Variants in ZNF618 observed in about 807,000 individuals in gnomAD.
The protein encoded by ZNF618 is neural precursor cell expressed, developmentally down-regulated 10.
A neutral mutation model predicts 103.0 loss-of-function variants in ZNF618; 34 were observed. That is an observed-to-expected ratio of 0.33 (90% CI 0.25 to 0.44). The LOEUF is 0.44. ZNF618 is among the 20% of genes least tolerant of loss of function. The pLI, the probability that ZNF618 is intolerant of heterozygous loss-of-function variation, is 1.00. For missense variants in ZNF618, 1,059 were observed against 1,295.4 expected (o/e 0.82, Z 2.80); for synonymous variants, 551 against 542.2 (o/e 1.02, Z -0.23).
intron 12 of ZNF618, chr9:114,035,255 G>T (rs543804699): frequency 1.2e-5 from 12 of 985,902 alleles, no homozygotes; most frequent in Middle Eastern, 5.2e-4. Context: ...GGTCCCGTTG[G>T]GGGGCTGGAG....
At position 114,053,945 on chromosome 9, in the gene ZNF618, A is replaced by G. The variant is rs1053829522; in HGVS notation, c.*3778A>G. 1 of 152,312 alleles carries G rather than the reference A, an allele frequency of 6.6e-6. No individual in the cohort carries two copies. The highest frequency in any genetic ancestry group is 1.9e-4 in the East Asian group (1 of 5,196). The allele number at this position is 152,312 out of a possible 1,614,324, so 9.4% of individuals were successfully genotyped here. A position where few individuals can be genotyped will look rare whatever the true frequency, so the allele number is the denominator to read the frequency against. ...CATCTGAGGATTGGTTTTTGGCTGG[A>G]AAAAGGGTACCAGGGTTTCCTGGCA... On this transcript the variant is annotated 3_prime_UTR_variant, in exon 15 of 15. Coordinates refer to ENST00000374126, the MANE Select transcript of ZNF618 (RefSeq NM_001318042.2).
At chr9:114,037,527 C>G (rs1844730337) in intron 13 of ZNF618, among the ~76,000 whole-genome samples, 1 of 152,162 alleles carries the variant, frequency 6.6e-6, no homozygotes, top group African/African-American at 2.4e-5. Context: ...TCCCTCCACC[C>G]CTTTCCCCAG....
chr9:114,011,042 C>CTGTT lies in ZNF618; in HGVS notation c.754+2488_754+2489insTGTT, dbSNP rs1448161442. 3.3e-5 allele frequency among the ~76,000 whole-genome samples: 5 copies of CTGTT among 152,294 alleles called. No individual in the cohort carries two copies. The South Asian group carries it at 1.0e-3, about 32-fold the overall frequency. ...TCTCACCAAGCACCTGGCTCATATC[C>CTGTT]AAGGTGTAGGGAGACCTGTTACTGA... On this transcript the variant is annotated intron_variant, in intron 9 of 14. Transcript: ENST00000374126.
At chr9:114,044,263 T>C (rs971825140) in intron 13 of ZNF618, among the ~76,000 whole-genome samples, 1 of 152,214 alleles carries the variant, frequency 6.6e-6, no homozygotes, top group African/African-American at 2.4e-5. Context: ...CTTCCACATG[T>C]GGCTAGCCAA....
chr9:114,022,904 G>A (rs1490213389), intron 10 of ZNF618, among the ~76,000 whole-genome samples: 1 of 151,980 alleles, frequency 6.6e-6, no homozygotes, highest in Non-Finnish European at 1.5e-5. Flanking sequence ...TATATCTCTG[G>A]TAATGCCTGT....
intron 1 of ZNF618, among the ~76,000 whole-genome samples, chr9:113,953,056 A>G (rs1835920811): frequency 6.6e-6 from 1 of 152,234 alleles, no homozygotes; most frequent in African/African-American, 2.4e-5. Context: ...ACTACATGCA[A>G]TATAAAAACT....
At chr9:113,978,365 C>T (rs1838678003) in intron 2 of ZNF618, among the ~76,000 whole-genome samples, 1 of 152,218 alleles carries the variant, frequency 6.6e-6, no homozygotes, top group South Asian at 2.1e-4. Context: ...AAGCTGGAGA[C>T]TCTTTATGTC....
intron 1 of ZNF618, among the ~76,000 whole-genome samples, chr9:113,932,809 A>G (rs1833712965): frequency 6.6e-6 from 1 of 152,128 alleles, no homozygotes; most frequent in Non-Finnish European, 1.5e-5. Flanking sequence ...GAATTTTAAG[A>G]TGCCTCTGAG....
At chr9:114,004,717 C>T (rs1841581963) in intron 6 of ZNF618, among the ~76,000 whole-genome samples, 2 of 152,214 alleles carry the variant, frequency 1.3e-5, no homozygotes, top group Non-Finnish European at 2.9e-5. Flanking sequence ...CTGGCCTCCA[C>T]TTACAGAAGC....
At chr9:113,884,090 A>T (rs1490240603) in intron 1 of ZNF618, among the ~76,000 whole-genome samples, 1 of 139,634 alleles carries the variant, frequency 7.2e-6, no homozygotes, top group African/African-American at 2.7e-5. Flanking sequence ...GTCTGTGTGT[A>T]GGTTTTGTAA....
Position 113,876,352 on chromosome 9 carries a change from G to C in ZNF618, c.-29G>C. 2.5e-6 allele frequency: 3 copies of C among 1,184,376 alleles called. No homozygotes were observed. Among genetic ancestry groups the C allele is most frequent in the Non-Finnish European group, 3.1e-6 (3 of 961,082 alleles). 73.4% of individuals were successfully genotyped at this position (1,184,376 alleles called of 1,614,324 possible). The stretch of plus-strand genomic sequence containing the variant: ...GCCCGGCCCGGGAGGAGCAGGACGC[G>C]CCGGGGCCGCCTCCTCCCGCACGGA... On this transcript the variant is annotated 5_prime_UTR_variant, in exon 1 of 15. Coordinates refer to ENST00000374126, the MANE Select transcript of ZNF618 (RefSeq NM_001318042.2).
At chr9:113,882,745 C>T (rs1046339077) in intron 1 of ZNF618, among the ~76,000 whole-genome samples, 3 of 152,178 alleles carry the variant, frequency 2.0e-5, no homozygotes, top group Non-Finnish European at 4.4e-5. Flanking sequence ...ACATCTCAAT[C>T]GCGGGTGGAC....
intron 1 of ZNF618, among the ~76,000 whole-genome samples, chr9:113,877,846 A>C (rs1349739415): frequency 6.6e-6 from 1 of 152,164 alleles, no homozygotes; most frequent in Admixed American, 6.5e-5. Flanking sequence ...GATTTGTAGG[A>C]GAGACCGCCA....
intron 2 of ZNF618, among the ~76,000 whole-genome samples, chr9:113,978,046 C>T (rs562501304): frequency 6.6e-6 from 1 of 152,300 alleles, no homozygotes; most frequent in Admixed American, 6.5e-5. Flanking sequence ...AATTTCTAGA[C>T]TGTTAAGAGT....
chr9:113,967,334 C>G (rs531209201), intron 1 of ZNF618, among the ~76,000 whole-genome samples: 37 of 152,324 alleles, frequency 2.4e-4, no homozygotes, highest in African/African-American at 8.9e-4. Flanking sequence ...TTCTTTTGCT[C>G]CCAGTGAAAT....
chr9:113,913,907 G>C (rs1831809073), intron 1 of ZNF618, among the ~76,000 whole-genome samples: 1 of 152,214 alleles, frequency 6.6e-6, no homozygotes, highest in South Asian at 2.1e-4. Context: ...GGAGAGGAAG[G>C]TGGAGGTGAA....
intron 1 of ZNF618, among the ~76,000 whole-genome samples, chr9:113,952,991 G>A (rs1316140802): frequency 6.6e-6 from 1 of 152,190 alleles, no homozygotes; most frequent in Non-Finnish European, 1.5e-5. Context: ...TAGAGTTGCT[G>A]GCACATAATA....
At chr9:113,981,237 C>G (rs758747335) in intron 2 of ZNF618, among the ~76,000 whole-genome samples, 3 of 152,114 alleles carry the variant, frequency 2.0e-5, no homozygotes, top group Non-Finnish European at 2.9e-5. Flanking sequence ...CCACCCTTAA[C>G]ATTGTTAAAG....
At chr9:113,962,169 G>A (rs1836904240) in intron 1 of ZNF618, among the ~76,000 whole-genome samples, 1 of 152,194 alleles carries the variant, frequency 6.6e-6, no homozygotes, top group South Asian at 2.1e-4. Flanking sequence ...GTATTCTCAT[G>A]TGTGGGAGAG....
Sources: allele counts gnomAD v4.1 joint callset (sites outside exome capture counted in the v4.1 genomes callset), GRCh38; gene constraint gnomAD v4.1.1; transcripts MANE v1.5; gene names NCBI Gene and HGNC (gene_info 2026-07-23, HGNC 2026-07-21).